SLC17A5: variants seen among roughly 807,000 people sequenced by gnomAD.
SLC17A5 encodes the protein sialin.
SLC17A5 carries 47 observed loss-of-function variants against 59.4 expected under a neutral mutation model. That is an observed-to-expected ratio of 0.79 (90% CI 0.63 to 1.01). The LOEUF is 1.01. Among genes scored for constraint, SLC17A5 ranks in the 50% least tolerant of loss-of-function variants. The pLI, the probability that SLC17A5 is intolerant of heterozygous loss-of-function variation, is 0.00. For synonymous variants in SLC17A5, 202 were observed against 210.7 expected, an observed-to-expected ratio of 0.96 and a Z score of 0.36; for missense variants, 522 against 595.5, an observed-to-expected ratio of 0.88 and a Z score of 1.28.
At position 73,594,307 on chromosome 6, in the gene SLC17A5, C is replaced by G. The variant is rs933265264; in HGVS notation, c.*770G>C. ...TGCTGGGATTACAGGCATGAGCCAC[C>G]GTGCCCGGCCGCTTCGCATTTTTCT... On this transcript the variant is annotated 3_prime_UTR_variant, in exon 11 of 11. Coordinates refer to ENST00000355773, the MANE Select transcript of SLC17A5 (RefSeq NM_012434.5). 2 of 152,608 alleles carry G rather than the reference C, an allele frequency of 1.3e-5. No homozygotes were observed. Among genetic ancestry groups the G allele is most frequent in the African/African-American group, 4.8e-5 (2 of 41,450 alleles). The allele number at this position is 152,608 out of a possible 1,614,324, so 9.5% of individuals were successfully genotyped here.
intron 9 of SLC17A5, among the ~76,000 whole-genome samples, chr6:73,601,404 A>G: frequency 7.3e-6 from 1 of 136,584 alleles, no homozygotes; most frequent in Non-Finnish European, 1.6e-5. Context: ...CCCGTCCGGG[A>G]GGGAGGTGGG....
rs1179142777 is a variant in SLC17A5, at chr6:73,618,304, AAAAT to A, written c.979-2861_979-2858del. 484 of 164,662 alleles carry A rather than the reference AAAAT, an allele frequency of 2.9e-3. 7 individuals carry two copies. The East Asian group carries it at 0.033, about 11-fold the overall frequency. 10.2% of individuals were successfully genotyped at this position (164,662 alleles called of 1,614,324 possible). On this transcript the variant is annotated intron_variant, in intron 7 of 10. Transcript: ENST00000355773. ...AAAATAAAATAAAATAAAATAAAAT[AAAAT>A]GAGTTTCTGGTTGTGACGACCTACC...
intron 7 of SLC17A5, among the ~76,000 whole-genome samples, chr6:73,617,668 A>T (rs921368210): frequency 3.3e-5 from 5 of 151,866 alleles, no homozygotes; most frequent in Admixed American, 6.6e-5. Flanking sequence ...ACATGGTGAA[A>T]CCTCATCTCT....
In SLC17A5 at chr6:73,610,416, G is replaced by T; in HGVS notation, c.1243C>A (p.Leu415Met). Residue 415 changes from leucine to methionine, a missense_variant, in exon 9 of 11, where the codon CTG (leucine) becomes ATG (methionine). Physicochemically the swap from Leu to Met is conservative, Grantham distance 15. Transcript: ENST00000355773. ...AGTACTCACGAAGGAGCAATATCCA[G>T]ATGGTTGATGCTAAATCCAGAAGAG... Reference protein sequence around the residue: ...FCSSGFSINHLDIAPSYAGIL... With the variant: ...FCSSGFSINHMDIAPSYAGIL... 6.2e-7 allele frequency: 1 copy of T among 1,614,104 alleles called. No individual in the cohort carries two copies. Among genetic ancestry groups the T allele is most frequent in the African/African-American group, 1.3e-5 (1 of 75,044 alleles).
chr6:73,645,512 C>A, intron 1 of SLC17A5: 1 of 984,734 alleles, frequency 1.0e-6, no homozygotes, highest in Non-Finnish European at 1.2e-6. Flanking sequence ...GGATGCCGGG[C>A]ACAGTGGCTC....
In SLC17A5 at chr6:73,645,492, TAAA is replaced by T. The variant is rs891905259; in HGVS notation, c.95-892_95-890del. On this transcript the variant is annotated intron_variant, in intron 1 of 10. Coordinates refer to ENST00000355773, the MANE Select transcript of SLC17A5 (RefSeq NM_012434.5). ...AAATCAGTGAATGTACCACCATGAT[TAAA>T]AAAAAAGGATGCCGGGCACAGTGGC... 1.6e-4 allele frequency: 156 copies of T among 976,068 alleles called. No homozygotes were observed. In the African/African-American group the frequency reaches 2.1e-3, roughly 13 times the overall value. The allele number at this position is 976,068 out of a possible 1,614,324, so 60.5% of individuals were successfully genotyped here. A position where few individuals can be genotyped will look rare whatever the true frequency, so the allele number is the denominator to read the frequency against.
intron 3 of SLC17A5, among the ~76,000 whole-genome samples, chr6:73,639,538 A>G (rs756386173): frequency 2.0e-4 from 31 of 152,316 alleles, no homozygotes; most frequent in Admixed American, 5.2e-4. Context: ...ATAGAAGAAA[A>G]CTTGAGATGT....
At chr6:73,647,505 T>C (rs1769637911) in intron 1 of SLC17A5, among the ~76,000 whole-genome samples, 1 of 152,228 alleles carries the variant, frequency 6.6e-6, no homozygotes. Context: ...AAACTCTATT[T>C]TATGCTACTG....
At chr6:73,622,264 CA>C (rs1372297507) in intron 6 of SLC17A5, among the ~76,000 whole-genome samples, 5 of 151,840 alleles carry the variant, frequency 3.3e-5, no homozygotes, top group African/African-American at 1.2e-4. Flanking sequence ...TGTCAGAAGT[CA>C]CCTGCAGCAT....
chr6:73,607,880 G>A (rs1337531627), intron 9 of SLC17A5, among the ~76,000 whole-genome samples: 2 of 150,120 alleles, frequency 1.3e-5, no homozygotes, highest in Non-Finnish European at 2.9e-5. Context: ...GGGTTCAAGC[G>A]ATTCTCCTGC....
intron 6 of SLC17A5, among the ~76,000 whole-genome samples, chr6:73,633,894 T>A (rs895592878): frequency 6.6e-5 from 10 of 151,358 alleles, no homozygotes; most frequent in South Asian, 2.1e-4. Flanking sequence ...AAAAAATAAA[T>A]AAAATAAAAT....
At chr6:73,615,183 C>A in intron 8 of SLC17A5, 132 bp downstream of exon 8, 1 of 1,006,892 alleles carries the variant, frequency 9.9e-7, no homozygotes, top group South Asian at 1.3e-5. Context: ...GTGATTAGAG[C>A]GAGGTGTTCT....
rs575246472 is a variant in SLC17A5, at chr6:73,594,534, C to T, written c.*543G>A. ...GATGCTGCCTCTGATAAACGCTGGG[C>T]ACTCTGACCCTGAAGCCAGGGAGGG... On this transcript the variant is annotated 3_prime_UTR_variant, in exon 11 of 11. Transcript: ENST00000355773. 7 of 170,550 alleles carry T rather than the reference C, an allele frequency of 4.1e-5. No homozygotes were observed. Among genetic ancestry groups the T allele is most frequent in the Admixed American group, 1.1e-4 (2 of 17,618 alleles). The allele number at this position is 170,550 out of a possible 1,614,324, so 10.6% of individuals were successfully genotyped here.
In SLC17A5 at chr6:73,593,499, T is replaced by A. The variant is rs1365869392; in HGVS notation, c.*1578A>T. 8 of 152,262 alleles carry A rather than the reference T, an allele frequency of 5.3e-5. No individual in the cohort carries two copies. Among genetic ancestry groups the A allele is most frequent in the African/African-American group, 1.9e-4 (8 of 41,470 alleles). The allele number at this position is 152,262 out of a possible 1,614,324, so 9.4% of individuals were successfully genotyped here. A position where few individuals can be genotyped will look rare whatever the true frequency, so the allele number is the denominator to read the frequency against. On this transcript the variant is annotated 3_prime_UTR_variant, in exon 11 of 11. Coordinates refer to ENST00000355773, the MANE Select transcript of SLC17A5 (RefSeq NM_012434.5). ...GTATTCACATCACATTAAACAGTTT[T>A]AAAATATTACACGTAGTGTTGAACA...
intron 6 of SLC17A5, among the ~76,000 whole-genome samples, chr6:73,629,664 A>G (rs1398357667): frequency 6.6e-6 from 1 of 151,710 alleles, no homozygotes; most frequent in Non-Finnish European, 1.5e-5. Flanking sequence ...AATCCCAGCT[A>G]CTTGGGAGGC....
In SLC17A5 at chr6:73,600,505, CTTCT is replaced by C. The variant is rs1187206380; in HGVS notation, c.1260-68_1260-65del. 44 of 1,183,690 alleles carry C rather than the reference CTTCT, an allele frequency of 3.7e-5. No homozygotes were observed. In the East Asian group the frequency reaches 3.8e-4, roughly 10 times the overall value. 73.3% of individuals were successfully genotyped at this position (1,183,690 alleles called of 1,614,324 possible). A position where few individuals can be genotyped will look rare whatever the true frequency, so the allele number is the denominator to read the frequency against. On this transcript the variant is annotated intron_variant, in intron 9 of 10. Transcript: ENST00000355773. ...CACATTTAAACAGCTTCATTCTTTC[CTTCT>C]TTTTTTTTTTTTTTTTTGAGACAGA...
At chr6:73,653,337 T>C in intron 1 of SLC17A5, 3 of 985,492 alleles carry the variant, frequency 3.0e-6, no homozygotes, top group Non-Finnish European at 3.6e-6. Flanking sequence ...CTCTGCCTAC[T>C]GATCTGCAGG....
In SLC17A5 at chr6:73,653,647, C is replaced by A. The variant is rs564874265; in HGVS notation, c.94+146G>T. ...AGGCGGGACTGAGCGGCACTCTGAA[C>A]GGGCTCCCCTCTTAATGTCCCCTCG... is the stretch of plus-strand genomic sequence containing the variant. On this transcript the variant is annotated intron_variant, in intron 1 of 10. Transcript: ENST00000355773. 5 of 984,464 alleles carry A rather than the reference C, an allele frequency of 5.1e-6. No individual in the cohort carries two copies. In the African/African-American group the frequency reaches 6.7e-5, roughly 13 times the overall value. 61.0% of individuals were successfully genotyped at this position (984,464 alleles called of 1,614,324 possible).
chr6:73,607,973 C>T (rs528371858), intron 9 of SLC17A5, among the ~76,000 whole-genome samples: 70 of 152,000 alleles, frequency 4.6e-4, no homozygotes, highest in African/African-American at 1.6e-3. Flanking sequence ...GATGGGGTTT[C>T]ACCATGTTGG....
Sources: allele counts gnomAD v4.1 joint callset (sites outside exome capture counted in the v4.1 genomes callset), GRCh38; gene constraint gnomAD v4.1.1; transcripts MANE v1.5; gene names NCBI Gene and HGNC (gene_info 2026-07-23, HGNC 2026-07-21).